BCAS1: variants seen among roughly 807,000 people sequenced by gnomAD.
The protein encoded by BCAS1 is breast carcinoma-amplified sequence 1.
BCAS1 carries 46 observed loss-of-function variants against 65.4 expected under a neutral mutation model. The observed-to-expected ratio is 0.70, with a 90% CI of 0.55 to 0.90. The LOEUF (loss-of-function observed/expected upper bound fraction) is 0.90, where lower values mean the gene tolerates loss of function less well. Among genes scored for constraint, BCAS1 ranks in the 40% least tolerant of loss-of-function variants. BCAS1 has a pLI of 0.00. For missense variants in BCAS1, 793 were observed against 771.2 expected, an observed-to-expected ratio of 1.03 and a Z score of -0.33; for synonymous variants, 298 against 293.5, an observed-to-expected ratio of 1.02 and a Z score of -0.16.
chr20:54,058,238 G>A (rs1330600427), intron 2 of BCAS1, 84 bp from the exon 3 acceptor site: 5 of 1,222,950 alleles, frequency 4.1e-6, no homozygotes. Flanking sequence ...AGATACAAGG[G>A]TGTCTCACAA....
chr20:54,029,867 T>C (rs2091762772), intron 3 of BCAS1, among the ~76,000 whole-genome samples: 1 of 152,196 alleles, frequency 6.6e-6, no homozygotes, highest in Non-Finnish European at 1.5e-5. Flanking sequence ...GTTCATGCGC[T>C]CTCTGTCTTA....
intron 9 of BCAS1, among the ~76,000 whole-genome samples, chr20:53,974,157 G>A (rs1822816482): frequency 6.6e-6 from 1 of 152,174 alleles, no homozygotes; most frequent in Non-Finnish European, 1.5e-5. Context: ...CTGTAAAATG[G>A]ACCAATTAGC....
At chr20:54,054,617 T>C (rs886212550) in intron 3 of BCAS1, among the ~76,000 whole-genome samples, 2 of 152,208 alleles carry the variant, frequency 1.3e-5, no homozygotes, top group African/African-American at 2.4e-5. Flanking sequence ...TGTCAATGAA[T>C]AACAGGCAAA....
At chr20:53,962,400 A>C (rs1466711171) in intron 10 of BCAS1, among the ~76,000 whole-genome samples, 3 of 152,254 alleles carry the variant, frequency 2.0e-5, no homozygotes, top group Admixed American at 6.5e-5. Flanking sequence ...TTACAAATCT[A>C]ATGGTCCAAA....
rs1315576978 is a variant in BCAS1, at chr20:53,953,456, G to A, written c.1791C>T (p.Ser597=). The A allele has an allele frequency of 5.0e-6, 8 of 1,613,864 alleles. No homozygotes were observed. In the Admixed American group the frequency reaches 8.3e-5, roughly 17 times the overall value. Residue 597 remains serine (S), a synonymous_variant, in exon 12 of 13, where the codon TCC becomes TCT. Transcript: ENST00000688948. ...LQKRPEKRQQ[S]LGGFFKGLGP... ...CCAGGCCTTTAAAGAAGCCCCCAAG[G>A]GACTGCTGCCGCTTCTCAGGTCTCT...
At chr20:54,035,884 C>T (rs1320978526) in intron 3 of BCAS1, among the ~76,000 whole-genome samples, 4 of 151,098 alleles carry the variant, frequency 2.6e-5, no homozygotes, top group Admixed American at 6.6e-5. Context: ...ATAAAAAGAA[C>T]GAGATCATGT....
At chr20:54,004,659 G>A (rs1413342982) in intron 4 of BCAS1, among the ~76,000 whole-genome samples, 1 of 152,156 alleles carries the variant, frequency 6.6e-6, no homozygotes, top group Non-Finnish European at 1.5e-5. Flanking sequence ...AACTATGTGG[G>A]GGTAGTTACA....
chr20:54,055,330 G>T (rs2092280810), intron 3 of BCAS1, among the ~76,000 whole-genome samples: 1 of 152,278 alleles, frequency 6.6e-6, no homozygotes, highest in African/African-American at 2.4e-5. Context: ...AAAAGAGGTT[G>T]AATTGGACTT....
chr20:53,997,142 T>C (rs2090938247), intron 4 of BCAS1, among the ~76,000 whole-genome samples: 1 of 152,230 alleles, frequency 6.6e-6, no homozygotes, highest in South Asian at 2.1e-4. Flanking sequence ...ATCTTTGCTG[T>C]GTCAGCAGTT....
intron 3 of BCAS1, among the ~76,000 whole-genome samples, chr20:54,033,352 A>T (rs1750296956): frequency 6.8e-6 from 1 of 146,380 alleles, no homozygotes; most frequent in Admixed American, 6.8e-5. Flanking sequence ...AAGATCAGTG[A>T]ATTCAGGAGC....
intron 3 of BCAS1, among the ~76,000 whole-genome samples, chr20:54,035,335 A>T (rs1458006456): frequency 6.9e-6 from 1 of 145,688 alleles, no homozygotes; most frequent in Non-Finnish European, 1.5e-5. Context: ...CGGGAGACAG[A>T]GCTTGCACTG....
intron 4 of BCAS1, among the ~76,000 whole-genome samples, chr20:54,018,407 T>A (rs1280760732): frequency 6.6e-6 from 1 of 151,800 alleles, no homozygotes; most frequent in Non-Finnish European, 1.5e-5. Context: ...CTTACTTTTT[T>A]TTTTTTTTTT....
At chr20:53,977,891 T>A (rs1007359589) in intron 8 of BCAS1, among the ~76,000 whole-genome samples, 5 of 152,056 alleles carry the variant, frequency 3.3e-5, no homozygotes, top group African/African-American at 1.2e-4. Flanking sequence ...TTAATTTATT[T>A]ATTTATTATT....
chr20:54,058,734 G>C lies in BCAS1; in HGVS notation c.-5-11C>G. ...GGTTACCCATTGCTCCTATAATGGA[G>C]AGAAAGAGAGGAAGAGAGAAAGAAA... On this transcript the variant is annotated splice_polypyrimidine_tract_variant and intron_variant, in intron 1 of 12. Coordinates refer to ENST00000688948, the MANE Select transcript of BCAS1 (RefSeq NM_001366298.2). The C allele has an allele frequency of 6.2e-7, 1 of 1,608,422 alleles. No homozygotes were observed. Among genetic ancestry groups the C allele is most frequent in the Non-Finnish European group, 8.5e-7 (1 of 1,178,724 alleles).
intron 7 of BCAS1, among the ~76,000 whole-genome samples, chr20:53,992,023 G>A (rs531172738): frequency 6.6e-6 from 1 of 152,150 alleles, no homozygotes; most frequent in South Asian, 2.1e-4. Context: ...GCTAGAAAGA[G>A]CATCAGATTC....
At chr20:54,062,340 G>T (rs1187007492) in intron 1 of BCAS1, among the ~76,000 whole-genome samples, 4 of 152,152 alleles carry the variant, frequency 2.6e-5, no homozygotes, top group Non-Finnish European at 5.9e-5. Flanking sequence ...AAACTAATTT[G>T]CTCTTTGCAG....
rs138772041 is a variant in BCAS1, at chr20:53,970,154, A to G, written c.1318-3081T>C. 7.3e-3 allele frequency among the ~76,000 whole-genome samples: 1,105 copies of G among 152,354 alleles called. 11 individuals are homozygous for G. Among genetic ancestry groups the G allele is most frequent in the South Asian group, 0.042 (201 of 4,830 alleles). On this transcript the variant is annotated intron_variant, in intron 9 of 12. Coordinates refer to ENST00000688948, the MANE Select transcript of BCAS1 (RefSeq NM_001366298.2). ...AATAAAATGATCAGATTGTATGGCA[A>G]TAACTCTGTAAATCAATTCTATTTG...
chr20:53,952,694 C>A (rs1237386663), intron 12 of BCAS1, among the ~76,000 whole-genome samples: 1 of 152,200 alleles, frequency 6.6e-6, no homozygotes, highest in Non-Finnish European at 1.5e-5. Context: ...CACAGGCAAC[C>A]AATTGATCAG....
chr20:54,008,618 G>T (rs1213168250), intron 4 of BCAS1, among the ~76,000 whole-genome samples: 2 of 152,124 alleles, frequency 1.3e-5, no homozygotes, highest in African/African-American at 4.8e-5. Context: ...TGGTGTCCGG[G>T]ACAGCCAGCT....
Sources: gnomAD v4.1 joint callset for allele counts (sites outside exome capture counted in the v4.1 genomes callset) on GRCh38, gnomAD v4.1.1 for gene constraint, MANE v1.5 for transcripts, NCBI Gene and HGNC (gene_info 2026-07-23, HGNC 2026-07-21) for gene names.